SPATA22: variants seen among roughly 807,000 people sequenced by gnomAD.
SPATA22 encodes the protein spermatogenesis associated 22.
Under a neutral mutation model 47.8 loss-of-function variants are expected in SPATA22, and 29 were observed. The observed-to-expected ratio is 0.61, with a 90% CI of 0.45 to 0.83. The LOEUF (loss-of-function observed/expected upper bound fraction) is 0.83, where lower values mean the gene tolerates loss of function less well. Among genes scored for constraint, SPATA22 ranks in the 40% least tolerant of loss-of-function variants. The pLI is 0.00. For synonymous variants in SPATA22, 133 were observed against 140.9 expected, an observed-to-expected ratio of 0.94 and a Z score of 0.40; for missense variants, 410 against 421.7, an observed-to-expected ratio of 0.97 and a Z score of 0.24.
chr17:3,499,206 T>A, intron 1 of SPATA22: 1 of 1,021,412 alleles, frequency 9.8e-7, no homozygotes, highest in Non-Finnish European at 1.4e-6. Context: ...CACAGTGCCT[T>A]ATTCGGTAGG....
At chr17:3,508,897 T>TAAAA (rs59201485) in intron 1 of SPATA22, among the ~76,000 whole-genome samples, 40 of 112,974 alleles carry the variant, frequency 3.5e-4, no homozygotes, top group African/African-American at 8.8e-4. Flanking sequence ...GCTTAAAGTA[T>TAAAA]AAAAAAAAAA....
At chr17:3,475,903 G>C (rs2150741415), upstream of SPATA22, 1 of 501,208 alleles carries the variant, frequency 2.0e-6, no homozygotes, top group Middle Eastern at 5.5e-4. Flanking sequence ...AGAAGTTAAA[G>C]TAAACAGCTG....
At chr17:3,486,343 TC>T (rs1217707665) in intron 1 of SPATA22, among the ~76,000 whole-genome samples, 1 of 152,188 alleles carries the variant, frequency 6.6e-6, no homozygotes. Context: ...CTTGAAAAGA[TC>T]ATCTGGAACA....
At chr17:3,451,062 G>A (rs1311806116) in intron 5 of SPATA22, among the ~76,000 whole-genome samples, 1 of 152,198 alleles carries the variant, frequency 6.6e-6, no homozygotes, top group Non-Finnish European at 1.5e-5. Flanking sequence ...TGTCTACAAT[G>A]AACTCAGTTT....
At chr17:3,466,761 G>A (rs1316518782) in intron 3 of SPATA22, among the ~76,000 whole-genome samples, 2 of 152,216 alleles carry the variant, frequency 1.3e-5, no homozygotes, top group African/African-American at 4.8e-5. Flanking sequence ...TCACATGACA[G>A]AAGGACGGAA....
At chr17:3,474,088 C>T (rs2073486964), upstream of SPATA22, 1 of 152,102 alleles carries the variant, frequency 6.6e-6, no homozygotes, top group African/African-American at 2.4e-5. Context: ...GTATGAAAAG[C>T]CTCTGTTGCT....
chr17:3,446,487 G>T lies in SPATA22; in HGVS notation c.787C>A (p.Leu263Ile), dbSNP rs779728976. 2 of 1,605,358 alleles carry T rather than the reference G, an allele frequency of 1.2e-6. No individual in the cohort carries two copies. Among genetic ancestry groups the T allele is most frequent in the Non-Finnish European group, 1.7e-6 (2 of 1,177,284 alleles). The change falls in exon 7 of 9, where the codon CTT becomes ATT. Residue 263 changes from leucine to isoleucine, a missense_variant. Physicochemically the swap from Leu to Ile is conservative, Grantham distance 5 (BLOSUM62 2). Coordinates refer to ENST00000572969, the MANE Select transcript of SPATA22 (RefSeq NM_001170698.2). ...TTTTACCTACCTAATACTTCAAAAAGAAGTACAGTTTTCTGTGCATGTTCA... is the reference window on the plus strand; with the variant it reads ...TTTTACCTACCTAATACTTCAAAAATAAGTACAGTTTTCTGTGCATGTTCA... ...WREHAQKTVL[L>I]FEVLAVLDSA...
Position 3,465,306 on chromosome 17 carries a change from T to G in SPATA22, c.172+2120A>C, listed in dbSNP as rs1484977455. ...CCAACAGCTCATTGAGAACGGGCCA[T>G]GATGACAATGGCGGTTTTGTGGAAT... On this transcript the variant is annotated intron_variant, in intron 3 of 8. Transcript: ENST00000572969. Among the ~76,000 whole-genome samples the G allele has an allele frequency of 3.3e-5, 5 of 151,736 alleles. No individual in the cohort carries two copies. The East Asian group carries it at 5.8e-4, about 18-fold the overall frequency.
chr17:3,502,410 T>C (rs2074000765), intron 1 of SPATA22: 1 of 152,238 alleles, frequency 6.6e-6, no homozygotes, highest in Non-Finnish European at 1.5e-5. Flanking sequence ...GGTATGCCTG[T>C]AATGTATAAG....
chr17:3,457,667 C>A (rs2073028614), intron 5 of SPATA22, among the ~76,000 whole-genome samples: 1 of 152,012 alleles, frequency 6.6e-6, no homozygotes, highest in African/African-American at 2.4e-5. Context: ...AGAAATAAAC[C>A]CATGCATTTA....
intron 3 of SPATA22, among the ~76,000 whole-genome samples, chr17:3,465,789 T>TAAAAAAAAA (rs372510663): frequency 2.9e-4 from 31 of 106,000 alleles, no homozygotes; most frequent in Non-Finnish European, 5.4e-4. Flanking sequence ...AAATAAAAAT[T>TAAAAAAAAA]TAAAAAACAA....
chr17:3,494,611 C>T lies in SPATA22; in HGVS notation c.-74+18801G>A. ...GATAGGGAAGATGTTCGGACTGTCG[C>T]TCAATAAATACTTATTCAGTGTAAC... On this transcript the variant is annotated intron_variant, in intron 1 of 8. Transcript: ENST00000541913. The T allele has an allele frequency of 5.8e-6, 4 of 690,488 alleles. No homozygotes were observed. In the South Asian group the frequency reaches 6.5e-5, roughly 11 times the overall value. 42.8% of individuals were successfully genotyped at this position (690,488 alleles called of 1,614,324 possible). A position where few individuals can be genotyped will look rare whatever the true frequency, so the allele number is the denominator to read the frequency against.
At chr17:3,494,544 G>T (rs1165480945) in intron 1 of SPATA22, 2 of 1,134,940 alleles carry the variant, frequency 1.8e-6, no homozygotes, top group Admixed American at 3.4e-5. Flanking sequence ...AGCACTTCGC[G>T]TACATTCGCC....
In SPATA22 at chr17:3,464,129, C is replaced by T. The variant is rs1406058519; in HGVS notation, c.173-1362G>A. ...CCGAGTGCCTGCGATTGCAGGCGCGCGCCGCCACGCCTGACTGGTTTTCGT... is the reference window on the plus strand; with the variant it reads ...CCGAGTGCCTGCGATTGCAGGCGCGTGCCGCCACGCCTGACTGGTTTTCGT... On this transcript the variant is annotated intron_variant, in intron 3 of 8. Coordinates refer to ENST00000572969, the MANE Select transcript of SPATA22 (RefSeq NM_001170698.2). Among the ~76,000 whole-genome samples the T allele has an allele frequency of 8.5e-5, 13 of 152,062 alleles. No homozygotes were observed. In the East Asian group the frequency reaches 1.2e-3, roughly 14 times the overall value.
intron 1 of SPATA22, among the ~76,000 whole-genome samples, chr17:3,482,828 T>C (rs536044417): frequency 2.4e-4 from 30 of 122,832 alleles, no homozygotes; most frequent in African/African-American, 6.3e-4. Context: ...TTAGGGTACA[T>C]GTGCACCATG....
intron 5 of SPATA22, among the ~76,000 whole-genome samples, chr17:3,461,748 T>C (rs924595357): frequency 6.6e-6 from 1 of 152,222 alleles, no homozygotes; most frequent in Non-Finnish European, 1.5e-5. Flanking sequence ...AGTATTAACT[T>C]CATATGGTTG....
chr17:3,450,572 C>T (rs924682975), intron 5 of SPATA22, among the ~76,000 whole-genome samples: 3 of 152,160 alleles, frequency 2.0e-5, no homozygotes, highest in African/African-American at 7.2e-5. Flanking sequence ...ACAAGTGATT[C>T]TCCTGCCTCA....
chr17:3,440,552 C>T, intron 8 of SPATA22: 1 of 356,668 alleles, frequency 2.8e-6, no homozygotes, highest in Non-Finnish European at 5.1e-6. Flanking sequence ...AGGGCTCTTA[C>T]AAGCTAGCAA....
rs1330946575 is a variant in SPATA22 at position 3,455,556 on chromosome 17, C to A, written c.330-6407G>T. On this transcript the variant is annotated intron_variant, in intron 5 of 8. Coordinates refer to ENST00000572969, the MANE Select transcript of SPATA22 (RefSeq NM_001170698.2). ...AGCACCATTTATTAAATAGGGAATCCTTTCCCCATTGCTTGGTTTTCTCAG... is the reference window on the plus strand; with the variant it reads ...AGCACCATTTATTAAATAGGGAATCATTTCCCCATTGCTTGGTTTTCTCAG... Among the ~76,000 whole-genome samples the A allele has an allele frequency of 7.1e-5, 10 of 141,698 alleles. No individual in the cohort carries two copies. In the Admixed American group the frequency reaches 7.5e-4, roughly 11 times the overall value. 93.0% of individuals were successfully genotyped at this position (141,698 alleles called of 152,430 possible). A position where few individuals can be genotyped will look rare whatever the true frequency, so the allele number is the denominator to read the frequency against.
Sources: gnomAD v4.1 joint callset for allele counts (sites outside exome capture counted in the v4.1 genomes callset) on GRCh38, gnomAD v4.1.1 for gene constraint, MANE v1.5 for transcripts, NCBI Gene and HGNC (gene_info 2026-07-23, HGNC 2026-07-21) for gene names.